The following PAX7 variants were observed in gnomAD, a reference collection of about 807,000 sequenced individuals.
The protein encoded by PAX7 is paired box 7.
PAX7 carries 18 observed loss-of-function variants against 50.7 expected under a neutral mutation model. That is an observed-to-expected ratio of 0.36 (90% CI 0.25 to 0.53). PAX7 has a LOEUF of 0.53. PAX7 is among the 20% of genes least tolerant of loss of function. The pLI is 0.93. For missense variants in PAX7, 644 were observed against 702.9 expected, an observed-to-expected ratio of 0.92 and a Z score of 0.95; for synonymous variants, 310 against 290.4, an observed-to-expected ratio of 1.07 and a Z score of -0.69.
chr1:18,649,294 C>T (rs1360810626), intron 4 of PAX7, among the ~76,000 whole-genome samples: 3 of 152,128 alleles, frequency 2.0e-5, no homozygotes, highest in African/African-American at 2.4e-5. Flanking sequence ...GGAATGAGGC[C>T]TTTCCCCATG....
Position 18,719,744 on chromosome 1 carries a change from C to T in PAX7, c.1156-15888C>T, listed in dbSNP as rs115170159. ...TCCCTGAGCCCCCTGGACTGTGGCT[C>T]CAACCCCAACCAACTTCATTCTCCT... On this transcript the variant is annotated intron_variant, in intron 7 of 8. Coordinates refer to ENST00000420770, the MANE Select transcript of PAX7 (RefSeq NM_001135254.2). Among the ~76,000 whole-genome samples the T allele has an allele frequency of 2.6e-3, 401 of 152,330 alleles. 1 individual carries two copies. The highest frequency in any genetic ancestry group is 2.9e-3 in the Non-Finnish European group (199 of 68,030).
At chr1:18,653,129 G>A (rs2088458813) in intron 4 of PAX7, among the ~76,000 whole-genome samples, 2 of 152,162 alleles carry the variant, frequency 1.3e-5, no homozygotes, top group African/African-American at 4.8e-5. Context: ...CTCCTTCAGG[G>A]AAAGGGTTTC....
intron 4 of PAX7, among the ~76,000 whole-genome samples, chr1:18,663,805 G>A (rs1260443435): frequency 6.6e-6 from 1 of 152,246 alleles, no homozygotes; most frequent in Non-Finnish European, 1.5e-5. Context: ...ATAACAGCCT[G>A]TGGTGAAAGA....
intron 4 of PAX7, among the ~76,000 whole-genome samples, chr1:18,675,259 A>G (rs2088808275): frequency 6.6e-6 from 1 of 152,162 alleles, no homozygotes; most frequent in Non-Finnish European, 1.5e-5. Flanking sequence ...CCACCATGAA[A>G]AAAAGCCGAA....
At chr1:18,649,807 T>C (rs1183501281) in intron 4 of PAX7, among the ~76,000 whole-genome samples, 1 of 152,236 alleles carries the variant, frequency 6.6e-6, no homozygotes, top group Non-Finnish European at 1.5e-5. Context: ...GATCCTCATG[T>C]AAATGGCCCC....
At chr1:18,637,781 T>C (rs976234085) in intron 4 of PAX7, among the ~76,000 whole-genome samples, 2 of 152,230 alleles carry the variant, frequency 1.3e-5, no homozygotes, top group African/African-American at 2.4e-5. Context: ...GGGGCGGCCA[T>C]TGACAGACAG....
At chr1:18,715,914 C>A (rs953513912) in intron 7 of PAX7, among the ~76,000 whole-genome samples, 1 of 152,140 alleles carries the variant, frequency 6.6e-6, no homozygotes, top group Non-Finnish European at 1.5e-5. Context: ...TCCCTCAACA[C>A]CTTTGCAGCT....
In PAX7 at chr1:18,735,660, C is replaced by T. The variant is rs761460050; in HGVS notation, c.1184C>T (p.Ala395Val). Residue 395 changes from alanine (A) to valine (V), a missense_variant, in exon 8 of 9, where the codon GCG becomes GTG. Ala to Val is a moderately conservative substitution (Grantham distance 64, BLOSUM62 0). Coordinates refer to ENST00000420770, the MANE Select transcript of PAX7 (RefSeq NM_001135254.2). The surrounding 1 kb of genome is among the most constrained non-coding windows in gnomAD (Gnocchi z 4.0). ...QVMSILGNPS[A>V]VPPQPQADFS... The stretch of plus-strand genomic sequence containing the variant: ...ATGAGCATCTTGGGCAACCCCAGTG[C>T]GGTGCCCCCGCAGCCACAGGCTGAC... The T allele has an allele frequency of 9.9e-6, 16 of 1,613,546 alleles. No homozygotes were observed. Among genetic ancestry groups the T allele is most frequent in the South Asian group, 4.4e-5 (4 of 90,986 alleles).
At chr1:18,723,070 G>T (rs2089514151) in intron 7 of PAX7, among the ~76,000 whole-genome samples, 1 of 152,086 alleles carries the variant, frequency 6.6e-6, no homozygotes, top group Non-Finnish European at 1.5e-5. Context: ...CAAATTAATG[G>T]GCCCCCAAAT....
At chr1:18,686,352 A>G (rs1408082143) in intron 4 of PAX7, among the ~76,000 whole-genome samples, 1 of 152,114 alleles carries the variant, frequency 6.6e-6, no homozygotes, top group African/African-American at 2.4e-5. Context: ...TTTTGGGGCA[A>G]TCTCCAGACC....
Position 18,748,512 on chromosome 1 carries a change from GCTT to G in PAX7, c.*3588_*3590del, listed in dbSNP as rs1931543588. On this transcript the variant is annotated 3_prime_UTR_variant, in exon 9 of 9. Coordinates refer to ENST00000420770, the MANE Select transcript of PAX7 (RefSeq NM_001135254.2). ...GCTCTGAGACTTCTGTGTATTTGAT[GCTT>G]CTTCAAGTCAGCTCTGACGTGGCCA... The G allele has an allele frequency of 4.3e-6, 1 of 231,534 alleles. No homozygotes were observed. Among genetic ancestry groups the G allele is most frequent in the Non-Finnish European group, 8.5e-6 (1 of 117,046 alleles). 14.3% of individuals were successfully genotyped at this position (231,534 alleles called of 1,614,324 possible).
chr1:18,695,786 G>A (rs2089142462), intron 5 of PAX7, among the ~76,000 whole-genome samples: 1 of 152,184 alleles, frequency 6.6e-6, no homozygotes, highest in East Asian at 1.9e-4. Flanking sequence ...TCTAGAAATA[G>A]AGGCTGCAGG....
intron 4 of PAX7, among the ~76,000 whole-genome samples, chr1:18,650,373 C>A (rs1377758741): frequency 2.0e-5 from 3 of 152,214 alleles, no homozygotes; most frequent in Non-Finnish European, 2.9e-5. Context: ...TGCTGTGTGA[C>A]CAGAAAGCAG....
rs1017422968 is a variant in PAX7 at position 18,709,021 on chromosome 1, G to T, written c.1155+5725G>T. 2.0e-5 allele frequency among the ~76,000 whole-genome samples: 3 copies of T among 152,198 alleles called. No individual in the cohort carries two copies. In the East Asian group the frequency reaches 5.8e-4, roughly 29 times the overall value. On this transcript the variant is annotated intron_variant, in intron 7 of 8. Coordinates refer to ENST00000420770, the MANE Select transcript of PAX7 (RefSeq NM_001135254.2). ...CCTTGGGTTGAAGGCTGCAGGCAGG[G>T]TGCCTTGTGCTGGAGGCTTCCTCAG...
At chr1:18,717,432 T>G (rs2089440724) in intron 7 of PAX7, among the ~76,000 whole-genome samples, 1 of 152,190 alleles carries the variant, frequency 6.6e-6, no homozygotes, top group Non-Finnish European at 1.5e-5. Context: ...TCTCCACCAA[T>G]GCACTTGCCC....
chr1:18,725,997 C>T (rs2789339), intron 7 of PAX7, among the ~76,000 whole-genome samples: 62,514 of 134,780 alleles, frequency 0.46, 13,677 homozygotes, highest in African/African-American at 0.62. Flanking sequence ...TGTGTGTGCG[C>T]GCGCGCGCGT....
chr1:18,648,795 C>T (rs570264187), intron 4 of PAX7, among the ~76,000 whole-genome samples: 1 of 152,242 alleles, frequency 6.6e-6, no homozygotes, highest in East Asian at 1.9e-4. Context: ...CAGTAGGGGA[C>T]TGATGGATTC....
chr1:18,702,982 T>C, intron 6 of PAX7, 112 bp from the exon 7 acceptor site: 1 of 1,007,180 alleles, frequency 9.9e-7, no homozygotes, highest in Non-Finnish European at 1.5e-6. Flanking sequence ...GTCCCTTCCC[T>C]CCAAGGAATG....
At chr1:18,709,125 G>A (rs1445387355) in intron 7 of PAX7, among the ~76,000 whole-genome samples, 1 of 152,100 alleles carries the variant, frequency 6.6e-6, no homozygotes, top group Non-Finnish European at 1.5e-5. Context: ...TTTTTAAGAT[G>A]CCAACTATAT....
Sources: allele counts gnomAD v4.1 joint callset (sites outside exome capture counted in the v4.1 genomes callset), GRCh38; gene constraint gnomAD v4.1.1; non-coding constraint Gnocchi (gnomAD v3.1); transcripts MANE v1.5; gene names NCBI Gene and HGNC (gene_info 2026-07-23, HGNC 2026-07-21).